The following NFE2 variants were observed in gnomAD, a reference collection of about 807,000 sequenced individuals.
NFE2 encodes transcription factor NF-E2 45 kDa subunit.
In NFE2, 13 loss-of-function variants were observed where a neutral mutation model predicts 25.8. The observed-to-expected ratio is 0.50, with a 90% CI of 0.33 to 0.80. The LOEUF is 0.80. NFE2 is among the 30% of genes least tolerant of loss of function. NFE2 has a pLI of 0.02. For synonymous variants in NFE2, 204 were observed against 200.2 expected (o/e 1.02, Z -0.16); for missense variants, 382 against 478.9 (o/e 0.80, Z 1.89).
chr12:54,292,819 T>TC lies in NFE2; in HGVS notation c.676dup (p.Asp226GlyfsTer2). On this transcript the variant is annotated frameshift_variant, in exon 3 of 3. Coordinates refer to ENST00000435572, the MANE Select transcript of NFE2 (RefSeq NM_001136023.3). LOFTEE classifies it high-confidence loss of function. ...CTTCATGGCCAAGGCCCGACGTTCA[T>TC]CCCGACTCCCTGCCTCCCCCCGTGC... 6.2e-7 allele frequency: 1 copy of TC among 1,614,112 alleles called. No individual in the cohort carries two copies.
At position 54,292,621 on chromosome 12, in the gene NFE2, A is replaced by G. The variant is rs767599266; in HGVS notation, c.875T>C (p.Val292Ala). ...NCRKRKLETI[V>A]QLERELERLT... ...CCGCTCCAGCTCCCGCTCCAGCTGC[A>G]CAATGGTTTCCAGCTTCCTCTTGCG... The change falls in exon 3 of 3, where the codon GTG (valine) becomes GCG (alanine). Residue 292 changes from valine to alanine, a missense_variant. Coordinates refer to ENST00000435572, the MANE Select transcript of NFE2 (RefSeq NM_001136023.3). 3.7e-6 allele frequency: 6 copies of G among 1,614,188 alleles called. No individual in the cohort carries two copies. Among genetic ancestry groups the G allele is most frequent in the Non-Finnish European group, 5.1e-6 (6 of 1,180,036 alleles).
At position 54,293,011 on chromosome 12, in the gene NFE2, C is replaced by G. The variant is rs758523164; in HGVS notation, c.485G>C (p.Gly162Ala). ...GCTGCGCCGCCGACCAGCCTCTGTC[C>G]CCTCCAGCTCAAGAGATTCAGCATC... ...YSDAESLELE[G>A]TEAGRRRSEY... The change falls in exon 3 of 3, where the codon GGG becomes GCG. Residue 162 changes from glycine to alanine, a missense_variant. Coordinates refer to ENST00000435572, the MANE Select transcript of NFE2 (RefSeq NM_001136023.3). 2.0e-6 allele frequency: 3 copies of G among 1,532,750 alleles called. No individual in the cohort carries two copies. In the East Asian group the frequency reaches 6.8e-5, roughly 35 times the overall value. The allele number at this position is 1,532,750 out of a possible 1,614,324, so 94.9% of individuals were successfully genotyped here.
Position 54,292,341 on chromosome 12 carries a change from A to G in NFE2, c.*33T>C. ...CCTTTATCAGAAGGGAATGAAGGAA[A>G]TCCCATCAGCAGTTCCACCCCTCTG... is the stretch of plus-strand genomic sequence containing the variant. On this transcript the variant is annotated 3_prime_UTR_variant, in exon 3 of 3. Transcript: ENST00000435572. 5 of 1,594,566 alleles carry G rather than the reference A, an allele frequency of 3.1e-6. No homozygotes were observed. Among genetic ancestry groups the G allele is most frequent in the Non-Finnish European group, 4.3e-6 (5 of 1,165,824 alleles).
chr12:54,295,110 C>T (rs762382724), intron 2 of NFE2, 25 bp downstream of exon 2: 3 of 1,596,148 alleles, frequency 1.9e-6, no homozygotes, highest in African/African-American at 1.3e-5. Context: ...ACACGGCCTC[C>T]CCTGCCCTAT....
Position 54,292,459 on chromosome 12 carries a change from G to T in NFE2, c.1037C>A (p.Ser346Tyr), listed in dbSNP as rs1565885374. The change falls in exon 3 of 3, where the codon TCT becomes TAT. Residue 346 changes from serine to tyrosine, a missense_variant. By Grantham distance (144) the Ser-to-Tyr change is moderately radical. Coordinates refer to ENST00000435572, the MANE Select transcript of NFE2 (RefSeq NM_001136023.3). ...HLRDESGNSYSPEEYALQQAA... is the reference protein window; with the variant it reads ...HLRDESGNSYYPEEYALQQAA... ...CTGTTGCAGCGCGTACTCTTCAGGA[G>T]AGTAGCTGTTGCCTGATTCATCCCG... 1 of 1,614,246 alleles carries T rather than the reference G, an allele frequency of 6.2e-7. No homozygotes were observed. Among genetic ancestry groups the T allele is most frequent in the East Asian group, 2.2e-5 (1 of 44,882 alleles).
intron 1 of NFE2, among the ~76,000 whole-genome samples, chr12:54,298,767 G>A (rs1214279542): frequency 1.3e-5 from 2 of 151,780 alleles, no homozygotes. Context: ...AAGTGCCTCA[G>A]TGGCCAGGTG....
chr12:54,294,067 G>A (rs1016156523), intron 2 of NFE2, among the ~76,000 whole-genome samples: 5 of 151,692 alleles, frequency 3.3e-5, no homozygotes, highest in African/African-American at 4.8e-5. Context: ...GATCAAGAAC[G>A]TCCTGGCTAA....
intron 1 of NFE2, among the ~76,000 whole-genome samples, chr12:54,299,452 G>A (rs921243019): frequency 1.3e-5 from 2 of 152,050 alleles, no homozygotes; most frequent in Non-Finnish European, 2.9e-5. Flanking sequence ...TTGCATTTTG[G>A]GGTCACACCA....
At chr12:54,298,105 C>A (rs1188800170) in intron 1 of NFE2, among the ~76,000 whole-genome samples, 1 of 152,152 alleles carries the variant, frequency 6.6e-6, no homozygotes, top group Non-Finnish European at 1.5e-5. Flanking sequence ...TCTTTACTCA[C>A]CCCAATCCCC....
intron 1 of NFE2, among the ~76,000 whole-genome samples, chr12:54,298,912 C>T (rs1944398313): frequency 6.6e-6 from 1 of 151,656 alleles, no homozygotes; most frequent in Admixed American, 6.6e-5. Context: ...TTAGCCAGGT[C>T]TGGTGGCGCA....
rs139796996 is a variant in NFE2, at chr12:54,292,840, C to T, written c.656G>A (p.Arg219Gln). 5 of 1,614,092 alleles carry T rather than the reference C, an allele frequency of 3.1e-6. No homozygotes were observed. The highest frequency in any genetic ancestry group is 2.2e-5 in the East Asian group (1 of 44,890). ...SGPVRAKPTA[R>Q]GEAGSRDERR... ...TTCATCCCGACTCCCTGCCTCCCCC[C>T]GTGCAGTGGGCTTAGCCCGCACAGG... Residue 219 changes from arginine to glutamine, a missense_variant, in exon 3 of 3, where the codon CGG becomes CAG. Transcript: ENST00000435572.
intron 2 of NFE2, among the ~76,000 whole-genome samples, 171 bp from the exon 3 acceptor site, chr12:54,293,552 G>C (rs1459669618): frequency 6.6e-6 from 1 of 152,186 alleles, no homozygotes; most frequent in African/African-American, 2.4e-5. Flanking sequence ...GTTGTTGCAA[G>C]AAAAATGCAG....
At chr12:54,296,491 T>C (rs1394084138) in intron 1 of NFE2, among the ~76,000 whole-genome samples, 1 of 150,942 alleles carries the variant, frequency 6.6e-6, no homozygotes, top group African/African-American at 2.4e-5. Flanking sequence ...TGATAAATAA[T>C]AGCAGGATGA....
At chr12:54,295,371 T>G (rs1944363129) in intron 1 of NFE2, 67 bp from the exon 2 acceptor site, 1 of 687,166 alleles carries the variant, frequency 1.5e-6, no homozygotes, top group Admixed American at 2.4e-5. Flanking sequence ...ACTACCTCCT[T>G]GGAGGGGCTC....
intron 1 of NFE2, among the ~76,000 whole-genome samples, chr12:54,300,465 C>CT (rs988188204): frequency 2.9e-4 from 44 of 152,272 alleles, no homozygotes; most frequent in African/African-American, 1.1e-3. Context: ...AAAGGGTAGT[C>CT]TATTGGTTCC....
intron 1 of NFE2, among the ~76,000 whole-genome samples, chr12:54,296,521 C>G (rs1471283139): frequency 6.6e-6 from 1 of 152,010 alleles, no homozygotes; most frequent in Non-Finnish European, 1.5e-5. Context: ...CCTGACTCTA[C>G]CTGACTATAA....
rs766389762 is a variant in NFE2, at chr12:54,292,839, C to T, written c.657G>A (p.Arg219=). Reference sequence around the variant, plus strand: ...GTTCATCCCGACTCCCTGCCTCCCCCCGTGCAGTGGGCTTAGCCCGCACAG... The same window carrying T: ...GTTCATCCCGACTCCCTGCCTCCCCTCGTGCAGTGGGCTTAGCCCGCACAG... ...SGPVRAKPTA[R]GEAGSRDERR... Residue 219 remains arginine, a synonymous_variant, in exon 3 of 3, where the codon CGG becomes CGA. Transcript: ENST00000435572. 6.2e-7 allele frequency: 1 copy of T among 1,614,218 alleles called. No individual in the cohort carries two copies. Among genetic ancestry groups the T allele is most frequent in the Non-Finnish European group, 8.5e-7 (1 of 1,180,030 alleles).
intron 1 of NFE2, among the ~76,000 whole-genome samples, chr12:54,297,552 C>T (rs1398080727): frequency 6.7e-6 from 1 of 149,524 alleles, no homozygotes; most frequent in Non-Finnish European, 1.5e-5. Context: ...GTAATCCCAG[C>T]TACTCAGGAG....
At position 54,292,143 on chromosome 12, in the gene NFE2, G is replaced by C; in HGVS notation, c.*231C>G. 1.8e-6 allele frequency: 1 copy of C among 560,504 alleles called. No homozygotes were observed. Among genetic ancestry groups the C allele is most frequent in the Non-Finnish European group, 3.2e-6 (1 of 314,912 alleles). 34.7% of individuals were successfully genotyped at this position (560,504 alleles called of 1,614,324 possible). The stretch of plus-strand genomic sequence containing the variant: ...AGCGCACTTTATAGACCAAAGCTTA[G>C]ACAAGGTGGAGGCTAAAGACCTGAG... On this transcript the variant is annotated 3_prime_UTR_variant, in exon 3 of 3. Transcript: ENST00000435572.
Sources: gnomAD v4.1 joint callset for allele counts (sites outside exome capture counted in the v4.1 genomes callset) on GRCh38, gnomAD v4.1.1 for gene constraint, MANE v1.5 for transcripts, NCBI Gene and HGNC (gene_info 2026-07-23, HGNC 2026-07-21) for gene names.